The following GID8 variants were observed in gnomAD, a reference collection of about 807,000 sequenced individuals.
GID8 encodes glucose-induced degradation protein 8 homolog.
In GID8, 6 loss-of-function variants were observed where a neutral mutation model predicts 27.4. The ratio of observed to expected loss-of-function variants is 0.22; its 90% CI spans 0.12 to 0.43. The LOEUF (loss-of-function observed/expected upper bound fraction) is 0.43, where lower values mean the gene tolerates loss of function less well. GID8 is among the 20% of genes least tolerant of loss of function. GID8 has a pLI of 1.00. For synonymous variants in GID8, 112 were observed against 109.0 expected, an observed-to-expected ratio of 1.03 and a Z score of -0.17; for missense variants, 173 against 287.6, an observed-to-expected ratio of 0.60 and a Z score of 2.88.
At chr20:62,942,147 A>C (rs572592179) in intron 2 of GID8, among the ~76,000 whole-genome samples, 2 of 152,258 alleles carry the variant, frequency 1.3e-5, no homozygotes, top group East Asian at 3.9e-4. Flanking sequence ...CCTTCTCCCA[A>C]ATTAATCTCT....
At chr20:62,941,106 G>T (rs770288656) in intron 1 of GID8, among the ~76,000 whole-genome samples, 7 of 152,266 alleles carry the variant, frequency 4.6e-5, no homozygotes, top group Non-Finnish European at 7.3e-5. Flanking sequence ...CAGGTGGGTG[G>T]CTTCCACATT....
chr20:62,948,437 C>G lies in GID8; in HGVS notation c.*3525C>G, dbSNP rs1044628. 1 of 152,174 alleles carries G rather than the reference C, an allele frequency of 6.6e-6. No individual in the cohort carries two copies. The highest frequency in any genetic ancestry group is 6.5e-5 in the Admixed American group (1 of 15,282). The allele number at this position is 152,174 out of a possible 1,614,324, so 9.4% of individuals were successfully genotyped here. A position where few individuals can be genotyped will look rare whatever the true frequency, so the allele number is the denominator to read the frequency against. On this transcript the variant is annotated 3_prime_UTR_variant, in exon 5 of 5. Coordinates refer to ENST00000266069, the MANE Select transcript of GID8 (RefSeq NM_017896.3). ...GAATAGGTTGCTTCTACCACCTGTT[C>G]TTAATGTAACAGTAAAAGTTTTCAC...
In GID8 at chr20:62,945,457, C is replaced by A; in HGVS notation, c.*545C>A. The A allele has an allele frequency of 5.0e-6, 5 of 996,272 alleles. No homozygotes were observed. The highest frequency in any genetic ancestry group is 6.0e-6 in the Non-Finnish European group (5 of 836,138). The allele number at this position is 996,272 out of a possible 1,614,324, so 61.7% of individuals were successfully genotyped here. A position where few individuals can be genotyped will look rare whatever the true frequency, so the allele number is the denominator to read the frequency against. ...AGGGCATTGAGTTTGATTTGTTTTC[C>A]CTTTGGTCTGGGTTGTGTGGCTTTT... On this transcript the variant is annotated 3_prime_UTR_variant, in exon 5 of 5. Coordinates refer to ENST00000266069, the MANE Select transcript of GID8 (RefSeq NM_017896.3).
intron 4 of GID8, 38 bp from the exon 5 acceptor site, chr20:62,944,701 G>A (rs376867894): frequency 3.7e-5 from 51 of 1,392,068 alleles, no homozygotes; most frequent in Middle Eastern, 1.8e-4. Flanking sequence ...GGTGCTCTGC[G>A]TGTATGGTGG....
At chr20:62,942,926 A>G (rs2065449803) in intron 2 of GID8, 61 bp from the exon 3 acceptor site, 7 of 1,283,462 alleles carry the variant, frequency 5.5e-6, no homozygotes, top group South Asian at 1.3e-5. Context: ...CTGGAGATAC[A>G]AAGTCTTTGC....
chr20:62,946,266 G>A lies in GID8; in HGVS notation c.*1354G>A, dbSNP rs1236875133. The A allele has an allele frequency of 6.0e-6, 2 of 332,348 alleles. No homozygotes were observed. The highest frequency in any genetic ancestry group is 8.4e-5 in the Admixed American group (2 of 23,708). 20.6% of individuals were successfully genotyped at this position (332,348 alleles called of 1,614,324 possible). ...TGGGATCTCGCCTTATTCTCAAGTA[G>A]CAAGGCATCTCGACAAGCATGGTCT... On this transcript the variant is annotated 3_prime_UTR_variant, in exon 5 of 5. Transcript: ENST00000266069.
In GID8 at chr20:62,944,924, G is replaced by A. The variant is rs1248802340; in HGVS notation, c.*12G>A. 6.2e-7 allele frequency: 1 copy of A among 1,604,128 alleles called. No individual in the cohort carries two copies. Among genetic ancestry groups the A allele is most frequent in the Non-Finnish European group, 8.5e-7 (1 of 1,174,836 alleles). On this transcript the variant is annotated 3_prime_UTR_variant, in exon 5 of 5. Transcript: ENST00000266069. ...AGGAGCCCAAGTAGCGCCTGCGCTT[G>A]CGTGGTGGATCCAACACCAGCCCTG...
rs771846619 is a variant in GID8 at position 62,946,021 on chromosome 20, G to A, written c.*1109G>A. The A allele has an allele frequency of 2.8e-5, 36 of 1,288,962 alleles. 1 individual carries two copies. The South Asian group carries it at 3.5e-4, about 12-fold the overall frequency. The allele number at this position is 1,288,962 out of a possible 1,614,324, so 79.8% of individuals were successfully genotyped here. On this transcript the variant is annotated 3_prime_UTR_variant, in exon 5 of 5. Transcript: ENST00000266069. The stretch of plus-strand genomic sequence containing the variant: ...GTGCAGGGCTGCGTGCATTGCCTGC[G>A]AGTCGGGACAGTTGATGGGCACATG...
In GID8 at chr20:62,945,079, T is replaced by C; in HGVS notation, c.*167T>C. The C allele has an allele frequency of 7.1e-7, 1 of 1,412,522 alleles. No individual in the cohort carries two copies. Among genetic ancestry groups the C allele is most frequent in the Admixed American group, 2.9e-5 (1 of 34,072 alleles). The allele number at this position is 1,412,522 out of a possible 1,614,324, so 87.5% of individuals were successfully genotyped here. A position where few individuals can be genotyped will look rare whatever the true frequency, so the allele number is the denominator to read the frequency against. Reference sequence around the variant, plus strand: ...AGGGAAAAATGGCCTTTGTAGGCAGTGGAAAACTTGCAAGGAAAGCTGCCG... The same window carrying C: ...AGGGAAAAATGGCCTTTGTAGGCAGCGGAAAACTTGCAAGGAAAGCTGCCG... On this transcript the variant is annotated 3_prime_UTR_variant, in exon 5 of 5. Transcript: ENST00000266069.
Position 62,946,278 on chromosome 20 carries a change from G to A in GID8, c.*1366G>A, listed in dbSNP as rs923425751. 6.0e-6 allele frequency: 2 copies of A among 332,894 alleles called. No individual in the cohort carries two copies. Among genetic ancestry groups the A allele is most frequent in the Non-Finnish European group, 1.2e-5 (2 of 167,662 alleles). The allele number at this position is 332,894 out of a possible 1,614,324, so 20.6% of individuals were successfully genotyped here. ...TTATTCTCAAGTAGCAAGGCATCTC[G>A]ACAAGCATGGTCTAGGTCTGGTGGC... On this transcript the variant is annotated 3_prime_UTR_variant, in exon 5 of 5. Transcript: ENST00000266069.
Position 62,944,969 on chromosome 20 carries a change from G to C in GID8, c.*57G>C, listed in dbSNP as rs570630882. On this transcript the variant is annotated 3_prime_UTR_variant, in exon 5 of 5. Coordinates refer to ENST00000266069, the MANE Select transcript of GID8 (RefSeq NM_017896.3). ...GCCCTGCGTCGTGGGACTTGCCTCA[G>C]ATCAGCCTGCGACTGCAAGATTCTT... 16 of 1,548,224 alleles carry C rather than the reference G, an allele frequency of 1.0e-5. No homozygotes were observed. The Admixed American group carries it at 1.4e-4, about 14-fold the overall frequency.
rs939218743 is a variant in GID8 at position 62,946,008 on chromosome 20, G to A, written c.*1096G>A. The A allele has an allele frequency of 2.7e-5, 35 of 1,289,218 alleles. No individual in the cohort carries two copies. Among genetic ancestry groups the A allele is most frequent in the South Asian group, 3.7e-5 (3 of 81,038 alleles). 79.9% of individuals were successfully genotyped at this position (1,289,218 alleles called of 1,614,324 possible). On this transcript the variant is annotated 3_prime_UTR_variant, in exon 5 of 5. Transcript: ENST00000266069. ...CAGGAGGGAAGTGGTGCAGGGCTGCGTGCATTGCCTGCGAGTCGGGACAGT... is the reference window on the plus strand; with the variant it reads ...CAGGAGGGAAGTGGTGCAGGGCTGCATGCATTGCCTGCGAGTCGGGACAGT...
intron 1 of GID8, among the ~76,000 whole-genome samples, chr20:62,940,516 AT>A (rs376700427): frequency 1.2e-3 from 190 of 152,024 alleles, no homozygotes; most frequent in African/African-American, 4.4e-3. Context: ...AGCACGGCTA[AT>A]TTTTTGTATT....
chr20:62,945,413 C>T lies in GID8; in HGVS notation c.*501C>T. 1 of 974,052 alleles carries T rather than the reference C, an allele frequency of 1.0e-6. No individual in the cohort carries two copies. Among genetic ancestry groups the T allele is most frequent in the Non-Finnish European group, 1.2e-6 (1 of 821,686 alleles). The allele number at this position is 974,052 out of a possible 1,614,324, so 60.3% of individuals were successfully genotyped here. A position where few individuals can be genotyped will look rare whatever the true frequency, so the allele number is the denominator to read the frequency against. On this transcript the variant is annotated 3_prime_UTR_variant, in exon 5 of 5. Coordinates refer to ENST00000266069, the MANE Select transcript of GID8 (RefSeq NM_017896.3). ...ATATATAAATTTGTAAATCCTAATT[C>T]AAAGATGGCTCATGTGTGAGGGCAT...
chr20:62,942,894 T>C, intron 2 of GID8, 93 bp from the exon 3 acceptor site: 2 of 841,018 alleles, frequency 2.4e-6, no homozygotes, highest in Non-Finnish European at 3.9e-6. Flanking sequence ...TCAGAGGTTA[T>C]TAATTGAGGC....
rs1442689012 is a variant in GID8, at chr20:62,946,647, G to C, written c.*1735G>C. On this transcript the variant is annotated 3_prime_UTR_variant, in exon 5 of 5. Coordinates refer to ENST00000266069, the MANE Select transcript of GID8 (RefSeq NM_017896.3). ...GATTTTGTAAGGATGCGGTGCTGGG[G>C]AGGTGGTGCTTCCCTACCCCCTAGA... is the stretch of plus-strand genomic sequence containing the variant. 1 of 152,308 alleles carries C rather than the reference G, an allele frequency of 6.6e-6. No individual in the cohort carries two copies. Among genetic ancestry groups the C allele is most frequent in the Non-Finnish European group, 1.5e-5 (1 of 68,126 alleles). The allele number at this position is 152,308 out of a possible 1,614,324, so 9.4% of individuals were successfully genotyped here. A position where few individuals can be genotyped will look rare whatever the true frequency, so the allele number is the denominator to read the frequency against.
intron 4 of GID8, among the ~76,000 whole-genome samples, chr20:62,944,298 C>T (rs931468163): frequency 1.3e-5 from 2 of 152,166 alleles, no homozygotes; most frequent in Non-Finnish European, 1.5e-5. Flanking sequence ...TTTCTCTCCT[C>T]GCTGCTATGT....
Position 62,945,922 on chromosome 20 carries a change from CT to C in GID8, c.*1011del. On this transcript the variant is annotated 3_prime_UTR_variant, in exon 5 of 5. Coordinates refer to ENST00000266069, the MANE Select transcript of GID8 (RefSeq NM_017896.3). ...GCAGCATCTCATCCTCCATCGTCAG[CT>C]GGCTCTGCCGATGTCCTGCTTCTGT... 7.8e-7 allele frequency: 1 copy of C among 1,289,252 alleles called. No homozygotes were observed. The highest frequency in any genetic ancestry group is 1.2e-5 in the South Asian group (1 of 81,032). 79.9% of individuals were successfully genotyped at this position (1,289,252 alleles called of 1,614,324 possible). A position where few individuals can be genotyped will look rare whatever the true frequency, so the allele number is the denominator to read the frequency against.
At chr20:62,938,422 A>G (rs2065416896) in intron 1 of GID8, among the ~76,000 whole-genome samples, 169 bp downstream of exon 1, 3 of 150,812 alleles carry the variant, frequency 2.0e-5, no homozygotes, top group South Asian at 2.1e-4. Flanking sequence ...CCAGGCCCGG[A>G]CGGCCGCCCC....
Sources: allele counts gnomAD v4.1 joint callset (sites outside exome capture counted in the v4.1 genomes callset), GRCh38; gene constraint gnomAD v4.1.1; transcripts MANE v1.5; gene names NCBI Gene and HGNC (gene_info 2026-07-23, HGNC 2026-07-21).